Variants in CNTNAP2 observed in about 807,000 individuals in gnomAD.
The protein encoded by CNTNAP2 is contactin-associated protein-like 2.
In CNTNAP2, 98 loss-of-function variants were observed where a neutral mutation model predicts 155.2. The ratio of observed to expected loss-of-function variants is 0.63; its 90% CI spans 0.54 to 0.75. CNTNAP2 has a LOEUF of 0.75. Among genes scored for constraint, CNTNAP2 ranks in the 30% least tolerant of loss-of-function variants. The pLI is 0.00. For synonymous variants in CNTNAP2, 651 were observed against 631.2 expected (o/e 1.03, Z -0.47); for missense variants, 1,727 against 1,688.1 (o/e 1.02, Z -0.40).
At chr7:148,032,380 G>A (rs1802493938) in intron 15 of CNTNAP2, among the ~76,000 whole-genome samples, 1 of 152,170 alleles carries the variant, frequency 6.6e-6, no homozygotes, top group Non-Finnish European at 1.5e-5. Flanking sequence ...ACATCAGTGT[G>A]TGTGCAACTC....
intron 1 of CNTNAP2, among the ~76,000 whole-genome samples, chr7:146,545,741 T>C (rs1798020402): frequency 6.6e-6 from 1 of 151,870 alleles, no homozygotes; most frequent in Non-Finnish European, 1.5e-5. Context: ...GAGTGTAAAT[T>C]AGTTCAGCCA....
chr7:147,324,889 A>G (rs980446283), intron 9 of CNTNAP2, among the ~76,000 whole-genome samples: 6 of 152,220 alleles, frequency 3.9e-5, no homozygotes, highest in African/African-American at 1.4e-4. Flanking sequence ...GAAACAACAT[A>G]TGTACCAACT....
rs78724309 is a variant in CNTNAP2 at position 146,940,084 on chromosome 7, T to C, written c.402+100180T>C. ...AGTACGAAAGGAGTGGCAGAACTTA[T>C]TGCCATAGAGTTAGAATTTTACATC... On this transcript the variant is annotated intron_variant, in intron 3 of 23. Transcript: ENST00000361727. Among the ~76,000 whole-genome samples, 236 of 152,326 alleles carry C rather than the reference T, an allele frequency of 1.5e-3. 1 individual carries two copies. The highest frequency in any genetic ancestry group is 5.4e-3 in the African/African-American group (225 of 41,590).
At chr7:147,364,924 A>T (rs1442357618) in intron 9 of CNTNAP2, among the ~76,000 whole-genome samples, 1 of 152,108 alleles carries the variant, frequency 6.6e-6, no homozygotes, top group South Asian at 2.1e-4. Context: ...TTGATATACT[A>T]TGTCACAGGA....
At chr7:147,050,734 A>T (rs2129258367) in intron 4 of CNTNAP2, among the ~76,000 whole-genome samples, 1 of 152,252 alleles carries the variant, frequency 6.6e-6, no homozygotes, top group South Asian at 2.1e-4. Context: ...TCTGTAAAAC[A>T]GTTCTGCAAT....
At chr7:148,221,781 A>G (rs1457839395) in intron 19 of CNTNAP2, among the ~76,000 whole-genome samples, 2 of 152,070 alleles carry the variant, frequency 1.3e-5, no homozygotes, top group Non-Finnish European at 2.9e-5. Flanking sequence ...TTGTGTTCCC[A>G]AGGTCAGTGT....
At chr7:147,993,192 T>G (rs1563160481) in intron 15 of CNTNAP2, among the ~76,000 whole-genome samples, 1 of 152,160 alleles carries the variant, frequency 6.6e-6, no homozygotes, top group Non-Finnish European at 1.5e-5. Context: ...CTGCCTCGGT[T>G]TTCTCCATTT....
chr7:148,089,590 G>A (rs541441498), intron 15 of CNTNAP2, among the ~76,000 whole-genome samples: 40 of 151,772 alleles, frequency 2.6e-4, no homozygotes, highest in African/African-American at 8.9e-4. Flanking sequence ...TTTAACCAAG[G>A]AGGTAAAAGT....
intron 1 of CNTNAP2, among the ~76,000 whole-genome samples, chr7:146,522,272 C>T (rs1354715640): frequency 6.6e-6 from 1 of 152,004 alleles, no homozygotes; most frequent in Non-Finnish European, 1.5e-5. Flanking sequence ...ATCATTGAAG[C>T]ACCCGTCGTT....
chr7:148,015,641 A>G (rs1370449660), intron 15 of CNTNAP2, among the ~76,000 whole-genome samples: 1 of 152,150 alleles, frequency 6.6e-6, no homozygotes, highest in Non-Finnish European at 1.5e-5. Flanking sequence ...CCCCATTTCC[A>G]AGTTTCTCTT....
intron 3 of CNTNAP2, among the ~76,000 whole-genome samples, chr7:147,002,730 G>T (rs991214113): frequency 6.6e-6 from 1 of 151,848 alleles, no homozygotes; most frequent in Non-Finnish European, 1.5e-5. Flanking sequence ...GATAGATGGT[G>T]CCTTCTAGCT....
chr7:146,355,321 G>A (rs1405043056), intron 1 of CNTNAP2, among the ~76,000 whole-genome samples: 1 of 152,092 alleles, frequency 6.6e-6, no homozygotes, highest in Non-Finnish European at 1.5e-5. Flanking sequence ...ACCAACAGGG[G>A]GTGTGCTAAT....
intron 9 of CNTNAP2, among the ~76,000 whole-genome samples, chr7:147,377,582 T>C (rs1041864013): frequency 1.3e-5 from 2 of 151,864 alleles, no homozygotes; most frequent in Non-Finnish European, 2.9e-5. Context: ...AATGTGTTGG[T>C]ACTAAGGTGC....
At chr7:146,598,368 G>T (rs1222957914) in intron 1 of CNTNAP2, among the ~76,000 whole-genome samples, 1 of 152,008 alleles carries the variant, frequency 6.6e-6, no homozygotes, top group Non-Finnish European at 1.5e-5. Flanking sequence ...TTGAGTTCCT[G>T]CCTATTTCTC....
chr7:148,150,940 A>C (rs1290674021), intron 17 of CNTNAP2, among the ~76,000 whole-genome samples: 1 of 151,614 alleles, frequency 6.6e-6, no homozygotes. Flanking sequence ...GGCTGATCTC[A>C]AACTCCTGGG....
chr7:147,398,405 G>GC (rs1554479607), intron 10 of CNTNAP2, among the ~76,000 whole-genome samples: 1 of 146,360 alleles, frequency 6.8e-6, no homozygotes, highest in African/African-American at 2.5e-5. Context: ...TTGAGAGGGA[G>GC]AAAAAAAAAA....
intron 13 of CNTNAP2, among the ~76,000 whole-genome samples, chr7:147,803,149 T>C (rs1173296378): frequency 6.6e-6 from 1 of 152,294 alleles, no homozygotes; most frequent in African/African-American, 2.4e-5. Flanking sequence ...TTAAAAATGT[T>C]TTTACTGAGA....
Position 148,330,840 on chromosome 7 carries a change from AGAATGGAT to A in CNTNAP2, c.3476-52807_3476-52800del, listed in dbSNP as rs547891406. On this transcript the variant is annotated intron_variant, in intron 21 of 23. Coordinates refer to ENST00000361727, the MANE Select transcript of CNTNAP2 (RefSeq NM_014141.6). ...GAGTGGACAGATGGAATGGACGGAT[AGAATGGAT>A]GGATGGAATGGATGGACGGATGGAG... Among the ~76,000 whole-genome samples, 203 of 110,448 alleles carry A rather than the reference AGAATGGAT, an allele frequency of 1.8e-3. 2 individuals are homozygous for A. Among genetic ancestry groups the A allele is most frequent in the African/African-American group, 6.8e-3 (193 of 28,328 alleles). The allele number at this position is 110,448 out of a possible 152,430, so 72.5% of individuals were successfully genotyped here. A position where few individuals can be genotyped will look rare whatever the true frequency, so the allele number is the denominator to read the frequency against.
intron 13 of CNTNAP2, among the ~76,000 whole-genome samples, chr7:147,690,560 A>G (rs1365560966): frequency 6.6e-6 from 1 of 151,844 alleles, no homozygotes; most frequent in Non-Finnish European, 1.5e-5. Context: ...GGTATCCACA[A>G]ATAATTACAC....
Sources: allele counts gnomAD v4.1 joint callset (sites outside exome capture counted in the v4.1 genomes callset), GRCh38; gene constraint gnomAD v4.1.1; transcripts MANE v1.5; gene names NCBI Gene and HGNC (gene_info 2026-07-23, HGNC 2026-07-21).